The following DOCK11 variants were observed in gnomAD, a reference collection of about 807,000 sequenced individuals.
The protein encoded by DOCK11 is dedicator of cytokinesis 11, also known as dedicator of cytokinesis protein 11.
In DOCK11, 70 loss-of-function variants were observed where a neutral mutation model predicts 169.1. The ratio of observed to expected loss-of-function variants is 0.41; its 90% CI spans 0.34 to 0.51. DOCK11 has a LOEUF of 0.51. DOCK11 is among the 20% of genes least tolerant of loss of function. The pLI is 0.10. For synonymous variants in DOCK11, 529 were observed against 541.3 expected (o/e 0.98, Z 0.32); for missense variants, 1,166 against 1,538.8 (o/e 0.76, Z 4.05).
At chrX:118,672,590 G>A (rs1416549454) in intron 46 of DOCK11, among the ~76,000 whole-genome samples, 7 of 111,815 alleles carry the variant, frequency 6.3e-5, no homozygotes, top group East Asian at 2.8e-4. Context: ...CCGCCACCGC[G>A]CCCGACTAAT....
At chrX:118,597,380 G>C (rs1285926438) in intron 20 of DOCK11, 51 bp from the exon 21 acceptor site, 27 of 1,203,199 alleles carry the variant, frequency 2.2e-5, no homozygotes, top group Non-Finnish European at 2.7e-5. Flanking sequence ...CATTTGTGTA[G>C]CTGATTGCAT....
At chrX:118,634,597 C>T (rs191248127) in intron 35 of DOCK11, among the ~76,000 whole-genome samples, 2 of 112,820 alleles carry the variant, frequency 1.8e-5, no homozygotes, top group South Asian at 3.6e-4. Context: ...CAGGCAGTGG[C>T]GCAGCAAGCT....
chrX:118,543,540 C>T lies in DOCK11; in HGVS notation c.339C>T (p.His113=), dbSNP rs771317637. The T allele has an allele frequency of 1.4e-5, 17 of 1,207,197 alleles. No homozygotes were observed. The East Asian group carries it at 2.4e-4, about 17-fold the overall frequency. ...TTAAAACCTATAGCACAGATTGGCA[C>T]GTGGTAAACTACAAGTATGAGGACT... is the stretch of plus-strand genomic sequence containing the variant. ...ECIKTYSTDW[H]VVNYKYEDFS... Residue 113 remains histidine, a synonymous_variant, in exon 4 of 53, where the codon CAC becomes CAT. Coordinates refer to ENST00000276202, the MANE Select transcript of DOCK11 (RefSeq NM_144658.4).
At chrX:118,663,802 G>C (rs5909555) in intron 45 of DOCK11, among the ~76,000 whole-genome samples, 35,351 of 105,358 alleles carry the variant, frequency 0.34, 5,696 homozygotes, top group Non-Finnish European at 0.47. Flanking sequence ...AGCCTACCGA[G>C]TACCAGGGAC....
intron 13 of DOCK11, among the ~76,000 whole-genome samples, chrX:118,579,598 T>G (rs189937781): frequency 2.8e-4 from 31 of 112,068 alleles, no homozygotes; most frequent in African/African-American, 9.7e-4. Flanking sequence ...TCGAGTCTGT[T>G]TAGACTCTAT....
chrX:118,570,587 TGG>T lies in DOCK11; in HGVS notation c.1036-1734_1036-1733del, dbSNP rs1365649221. 2.7e-5 allele frequency among the ~76,000 whole-genome samples: 3 copies of T among 112,326 alleles called. No individual in the cohort carries two copies. The East Asian group carries it at 8.3e-4, about 31-fold the overall frequency. On this transcript the variant is annotated intron_variant, in intron 10 of 52. Transcript: ENST00000276202. ...TTAAGGAGGTTTCAGTCAGTCATAC[TGG>T]GTAGGTTAGAACAGCTATAATTATC...
At chrX:118,663,553 A>G (rs1192197482) in intron 45 of DOCK11, among the ~76,000 whole-genome samples, 2 of 110,713 alleles carry the variant, frequency 1.8e-5, no homozygotes, top group African/African-American at 3.3e-5. Flanking sequence ...AGTGAGTGGA[A>G]GTGGATCCTT....
chrX:118,566,584 T>C lies in DOCK11; in HGVS notation c.882T>C (p.Thr294=). 3 of 1,210,973 alleles carry C rather than the reference T, an allele frequency of 2.5e-6. No homozygotes were observed. The highest frequency in any genetic ancestry group is 3.4e-6 in the Non-Finnish European group (3 of 894,972). ...TTAATGAATTTGCAGATGATGAAAC[T>C]AGCAGCCAAGGAAAAGCCGAGAACA... ...ETVETAQDDE[T]SSQGKAENIM... Residue 294 remains threonine (T), a synonymous_variant, in exon 9 of 53, where the codon ACT becomes ACC. Transcript: ENST00000276202.
chrX:118,510,653 C>T (rs1305411043), intron 1 of DOCK11, among the ~76,000 whole-genome samples: 1 of 111,045 alleles, frequency 9.0e-6, no homozygotes, highest in Non-Finnish European at 1.9e-5. Flanking sequence ...AAAGAGAAAG[C>T]GATGGTTGCA....
At chrX:118,541,849 G>A (rs1040714456) in intron 1 of DOCK11, among the ~76,000 whole-genome samples, 1 of 111,447 alleles carries the variant, frequency 9.0e-6, no homozygotes, top group Non-Finnish European at 1.9e-5. Context: ...TGGCCAGCTC[G>A]CCTAGAAGTC....
chrX:118,657,523 A>G (rs1277035917), intron 44 of DOCK11, among the ~76,000 whole-genome samples: 3 of 111,905 alleles, frequency 2.7e-5, no homozygotes, highest in Non-Finnish European at 5.6e-5. Context: ...AAACCTGGAA[A>G]ATTCTATTTG....
intron 11 of DOCK11, among the ~76,000 whole-genome samples, 164 bp from the exon 12 acceptor site, chrX:118,573,642 C>T (rs2013350535): frequency 8.9e-6 from 1 of 111,910 alleles, no homozygotes; most frequent in South Asian, 3.7e-4. Context: ...GCCCTTTCTT[C>T]TGTGCAGATA....
At chrX:118,653,854 C>T (rs2016003642) in intron 42 of DOCK11, among the ~76,000 whole-genome samples, 1 of 112,389 alleles carries the variant, frequency 8.9e-6, no homozygotes, top group African/African-American at 3.2e-5. Flanking sequence ...TAAGAGGATG[C>T]AATAGGACTT....
intron 16 of DOCK11, 106 bp from the exon 17 acceptor site, chrX:118,588,031 A>T: frequency 1.3e-6 from 1 of 761,626 alleles, no homozygotes; most frequent in South Asian, 3.9e-5. Flanking sequence ...TATGTTTTTT[A>T]AATCGCTCTT....
At chrX:118,647,659 A>T (rs1379430723) in intron 40 of DOCK11, among the ~76,000 whole-genome samples, 6 of 56,875 alleles carry the variant, frequency 1.1e-4, no homozygotes, top group Non-Finnish European at 1.5e-4. Context: ...TTTATATATT[A>T]TATATTAATA....
chrX:118,659,211 C>T (rs1309882615), intron 44 of DOCK11, among the ~76,000 whole-genome samples: 2 of 111,220 alleles, frequency 1.8e-5, no homozygotes, highest in Non-Finnish European at 3.8e-5. Flanking sequence ...CTTTTTTTCA[C>T]GGGATAACTT....
chrX:118,511,515 A>G (rs2057650908), intron 1 of DOCK11, among the ~76,000 whole-genome samples: 1 of 111,978 alleles, frequency 8.9e-6, no homozygotes, highest in Non-Finnish European at 1.9e-5. Flanking sequence ...TTTTCTGTAA[A>G]TTGTGGGTTT....
chrX:118,671,032 C>T lies in DOCK11; in HGVS notation c.5086C>T (p.Leu1696=). The T allele has an allele frequency of 8.5e-7, 1 of 1,182,518 alleles. No individual in the cohort carries two copies. Among genetic ancestry groups the T allele is most frequent in the Middle Eastern group, 2.4e-4 (1 of 4,233 alleles). ...TTTTCTCTTAATGCAGGAGGTCTTG[C>T]TGGAGTTGCTAGAACAATGTGTGGA... ...MDVHYSEEVL[L]ELLEQCVDGL... Residue 1696 remains leucine, a synonymous_variant, in exon 46 of 53, where the codon CTG becomes TTG. Coordinates refer to ENST00000276202, the MANE Select transcript of DOCK11 (RefSeq NM_144658.4).
rs1221886090 is a variant in DOCK11, at chrX:118,599,870, T to C, written c.2562+642T>C. Reference sequence around the variant, plus strand: ...ATGAAACATCTTTAGGATTTACCTTTGGACATATGCTATTACTTAATGATA... The same window carrying C: ...ATGAAACATCTTTAGGATTTACCTTCGGACATATGCTATTACTTAATGATA... On this transcript the variant is annotated intron_variant, in intron 23 of 52. Coordinates refer to ENST00000276202, the MANE Select transcript of DOCK11 (RefSeq NM_144658.4). 7.1e-5 allele frequency among the ~76,000 whole-genome samples: 8 copies of C among 112,230 alleles called. No homozygotes were observed. In the Admixed American group the frequency reaches 7.6e-4, roughly 11 times the overall value.
Sources: allele counts gnomAD v4.1 joint callset (sites outside exome capture counted in the v4.1 genomes callset), GRCh38; gene constraint gnomAD v4.1.1; transcripts MANE v1.5; gene names NCBI Gene and HGNC (gene_info 2026-07-23, HGNC 2026-07-21).